APBB2: variants seen among roughly 807,000 people sequenced by gnomAD.
The protein encoded by APBB2 is amyloid beta precursor protein binding family B member 2.
Under a neutral mutation model 82.5 loss-of-function variants are expected in APBB2, and 38 were observed. The ratio of observed to expected loss-of-function variants is 0.46; its 90% confidence interval spans 0.36 to 0.60. The LOEUF (loss-of-function observed/expected upper bound fraction) is 0.60. Ranked by LOEUF, APBB2 falls within the 20% of genes least tolerant of loss-of-function variation. The pLI is 0.00. For missense variants in APBB2, 772 were observed against 972.3 expected, an observed-to-expected ratio of 0.79 and a Z score of 2.74; for synonymous variants, 341 against 368.2, an observed-to-expected ratio of 0.93 and a Z score of 0.85.
chr4:40,941,141 CTT>C (rs151206804), intron 7 of APBB2, among the ~76,000 whole-genome samples: 69 of 146,968 alleles, frequency 4.7e-4, no homozygotes, highest in Non-Finnish European at 4.5e-4. Context: ...TTATTTGATT[CTT>C]TTTTTTTTTT....
At chr4:40,912,054 C>T (rs190570125) in intron 10 of APBB2, among the ~76,000 whole-genome samples, 1 of 152,270 alleles carries the variant, frequency 6.6e-6, no homozygotes, top group East Asian at 1.9e-4. Context: ...GCACAGAATG[C>T]AATAATATTT....
At chr4:40,929,995 C>T (rs79138786) in intron 10 of APBB2, among the ~76,000 whole-genome samples, 324 of 150,922 alleles carry the variant, frequency 2.1e-3, no homozygotes, top group African/African-American at 7.6e-3. Flanking sequence ...TAGGAGTGAC[C>T]AGGCCGAGGA....
At chr4:41,156,665 T>C (rs781393037) in intron 1 of APBB2, among the ~76,000 whole-genome samples, 26 of 152,234 alleles carry the variant, frequency 1.7e-4, no homozygotes, top group Admixed American at 2.6e-4. Context: ...GGAAAGTTCA[T>C]TGGCTTCTGA....
rs145689105 is a variant in APBB2, at chr4:40,897,263, G to C, written c.1255-3852C>G. 3.0e-3 allele frequency among the ~76,000 whole-genome samples: 456 copies of C among 152,312 alleles called. 1 individual carries two copies. The highest frequency in any genetic ancestry group is 0.011 in the African/African-American group (441 of 41,558). On this transcript the variant is annotated intron_variant, in intron 10 of 17. Transcript: ENST00000508593. ...TCATGCCTGTAATCCCAGCACTTTT[G>C]GAGGCTAAGGCAGGCGGATCACTTC...
At chr4:40,931,077 G>A (rs1348207448) in intron 10 of APBB2, among the ~76,000 whole-genome samples, 2 of 151,800 alleles carry the variant, frequency 1.3e-5, no homozygotes, top group African/African-American at 2.4e-5. Context: ...AGGATTTTTC[G>A]GGGGAGGGGA....
At chr4:40,973,280 T>C (rs1157494893) in intron 6 of APBB2, among the ~76,000 whole-genome samples, 2 of 152,204 alleles carry the variant, frequency 1.3e-5, no homozygotes, top group South Asian at 4.1e-4. Context: ...CAGCTTCCTC[T>C]CTACCATGGC....
At chr4:40,837,874 T>C (rs751099513) in intron 12 of APBB2, among the ~76,000 whole-genome samples, 18 of 152,218 alleles carry the variant, frequency 1.2e-4, no homozygotes, top group Non-Finnish European at 2.4e-4. Flanking sequence ...TACTGAGCCC[T>C]GGTGTTTCCA....
intron 5 of APBB2, among the ~76,000 whole-genome samples, chr4:41,027,385 AT>A (rs1714820028): frequency 1.6e-5 from 1 of 63,696 alleles, no homozygotes. Flanking sequence ...ATATATATAT[AT>A]ATATATATAT....
At chr4:41,048,144 C>T (rs1724116539) in intron 4 of APBB2, among the ~76,000 whole-genome samples, 1 of 152,178 alleles carries the variant, frequency 6.6e-6, no homozygotes, top group African/African-American at 2.4e-5. Flanking sequence ...AATGATAACA[C>T]CAGTTGAGCA....
At chr4:41,121,647 T>C (rs914533525) in intron 2 of APBB2, among the ~76,000 whole-genome samples, 1 of 152,176 alleles carries the variant, frequency 6.6e-6, no homozygotes, top group African/African-American at 2.4e-5. Context: ...CAACAGGCTG[T>C]CTTGCCCACT....
chr4:41,129,790 T>C (rs908861825), intron 2 of APBB2, among the ~76,000 whole-genome samples: 3 of 151,366 alleles, frequency 2.0e-5, no homozygotes, highest in Admixed American at 6.6e-5. Flanking sequence ...GCAATTTATA[T>C]ATATAAATAT....
At chr4:41,118,027 G>A (rs34363263) in intron 2 of APBB2, 32,740 of 151,192 alleles carry the variant, frequency 0.22, 3,757 homozygotes, top group Non-Finnish European at 0.24. Context: ...TGGGCAACAC[G>A]GAGAAACTGT....
rs190552796 is a variant in APBB2 at position 40,839,963 on chromosome 4, C to T, written c.1530-9386G>A. Among the ~76,000 whole-genome samples, 14 of 152,286 alleles carry T rather than the reference C, an allele frequency of 9.2e-5. No individual in the cohort carries two copies. The East Asian group carries it at 2.7e-3, about 29-fold the overall frequency. On this transcript the variant is annotated intron_variant, in intron 12 of 17. Coordinates refer to ENST00000508593, the MANE Select transcript of APBB2 (RefSeq NM_004307.2). ...TACAGGCATGAGCCATTGCGCCTGGCCCCACGAGGGGTGTTTTTTAATAAA... is the reference window on the plus strand; with the variant it reads ...TACAGGCATGAGCCATTGCGCCTGGTCCCACGAGGGGTGTTTTTTAATAAA...
chr4:41,004,964 T>C (rs572563116), intron 6 of APBB2, among the ~76,000 whole-genome samples: 2 of 152,248 alleles, frequency 1.3e-5, no homozygotes, highest in East Asian at 1.9e-4. Context: ...TGTTAACTTA[T>C]ATGACCAATA....
intron 1 of APBB2, among the ~76,000 whole-genome samples, chr4:41,159,898 A>G (rs868829803): frequency 1.8e-4 from 14 of 76,106 alleles, no homozygotes; most frequent in African/African-American, 6.9e-4. Flanking sequence ...AAAAAGGAAG[A>G]AGAAGGAGAA....
chr4:41,190,841 A>C (rs530460181), intron 1 of APBB2, among the ~76,000 whole-genome samples: 12 of 152,316 alleles, frequency 7.9e-5, no homozygotes, highest in African/African-American at 2.9e-4. Flanking sequence ...GAAAAGAAAA[A>C]AGCCAAAGAA....
At chr4:40,851,081 A>G (rs926839127) in intron 12 of APBB2, among the ~76,000 whole-genome samples, 2 of 152,264 alleles carry the variant, frequency 1.3e-5, no homozygotes, top group African/African-American at 2.4e-5. Flanking sequence ...AGCCCAGTGC[A>G]AAATGAAAAT....
At chr4:41,184,942 G>T (rs113841735) in intron 1 of APBB2, among the ~76,000 whole-genome samples, 1 of 152,160 alleles carries the variant, frequency 6.6e-6, no homozygotes, top group Non-Finnish European at 1.5e-5. Flanking sequence ...GGAATTGATC[G>T]CAAATAAACA....
chr4:40,897,675 G>A (rs571654646), intron 10 of APBB2, among the ~76,000 whole-genome samples: 2 of 152,254 alleles, frequency 1.3e-5, no homozygotes, highest in South Asian at 4.1e-4. Context: ...TGGCTTAAGT[G>A]AGAGGAAACA....
Sources: gnomAD v4.1 joint callset for allele counts (sites outside exome capture counted in the v4.1 genomes callset) on GRCh38, gnomAD v4.1.1 for gene constraint, MANE v1.5 for transcripts, NCBI Gene and HGNC (gene_info 2026-07-23, HGNC 2026-07-21) for gene names.